The following LIPC variants were observed in gnomAD, a reference collection of about 807,000 sequenced individuals.
LIPC encodes lipase C, hepatic type, also known as hepatic triacylglycerol lipase.
In LIPC, 44 loss-of-function variants were observed where a neutral mutation model predicts 50.7. The ratio of observed to expected loss-of-function variants is 0.87; its 90% CI spans 0.68 to 1.11. The LOEUF is 1.11. LIPC is among the 50% of genes most tolerant of loss of function. The pLI is 0.00. For synonymous variants in LIPC, 271 were observed against 256.4 expected (o/e 1.06, Z -0.54); for missense variants, 697 against 648.2 (o/e 1.08, Z -0.82).
At chr15:58,486,489 T>C (rs1891380625) in intron 1 of LIPC, among the ~76,000 whole-genome samples, 1 of 152,200 alleles carries the variant, frequency 6.6e-6, no homozygotes, top group African/African-American at 2.4e-5. Context: ...CCAAAAGTAG[T>C]TATGACCCTC....
At chr15:58,536,012 G>A (rs1256632187) in intron 1 of LIPC, among the ~76,000 whole-genome samples, 1 of 152,190 alleles carries the variant, frequency 6.6e-6, no homozygotes, top group Non-Finnish European at 1.5e-5. Flanking sequence ...CCACCATTGT[G>A]CCCAGGGCTA....
intron 6 of LIPC, among the ~76,000 whole-genome samples, chr15:58,557,222 T>A (rs1380645459): frequency 6.6e-6 from 1 of 152,154 alleles, no homozygotes; most frequent in Non-Finnish European, 1.5e-5. Context: ...GAAAAGTCAC[T>A]TAACTTCTCT....
chr15:58,466,522 G>T (rs1049439980), intron 1 of LIPC, among the ~76,000 whole-genome samples: 15 of 152,124 alleles, frequency 9.9e-5, no homozygotes. Context: ...TTATTCTAAG[G>T]ATGTATGGTA....
chr15:58,481,487 C>G (rs4775056), intron 1 of LIPC, among the ~76,000 whole-genome samples: 146,261 of 152,280 alleles, frequency 0.96, 70,544 homozygotes, highest in East Asian at 1. Context: ...TATCCATGTA[C>G]AAGAACACTA....
intron 1 of LIPC, among the ~76,000 whole-genome samples, chr15:58,489,327 T>A (rs185484353): frequency 6.7e-6 from 1 of 149,384 alleles, no homozygotes; most frequent in East Asian, 2.0e-4. Flanking sequence ...ACAAAACCAG[T>A]TCACCAAGAC....
At chr15:58,517,127 C>T (rs1347600974) in intron 1 of LIPC, among the ~76,000 whole-genome samples, 1 of 152,260 alleles carries the variant, frequency 6.6e-6, no homozygotes, top group Non-Finnish European at 1.5e-5. Flanking sequence ...CCATGTCCCA[C>T]ACTATTCCTT....
At chr15:58,461,823 T>C (rs372701820) in intron 1 of LIPC, among the ~76,000 whole-genome samples, 3 of 152,212 alleles carry the variant, frequency 2.0e-5, no homozygotes, top group African/African-American at 7.2e-5. Context: ...TGGCCTTGGA[T>C]GCCCTTGTCT....
intron 1 of LIPC, among the ~76,000 whole-genome samples, chr15:58,495,637 G>A (rs1891739188): frequency 1.3e-5 from 2 of 152,224 alleles, no homozygotes. Flanking sequence ...GAGGCTCAGA[G>A]AGAGTAAGTA....
At chr15:58,542,693 A>T (rs1383885963) in intron 4 of LIPC, 42 bp downstream of exon 4, 2 of 1,320,694 alleles carry the variant, frequency 1.5e-6, no homozygotes, top group Admixed American at 1.7e-5. Context: ...TCCACTCCAT[A>T]GGGGCATCCA....
intron 8 of LIPC, chr15:58,564,111 GA>G: frequency 3.5e-6 from 1 of 286,250 alleles, no homozygotes; most frequent in Non-Finnish European, 6.9e-6. Context: ...TTTGCCCAAA[GA>G]AAATCTTTTA....
At chr15:58,501,030 G>A (rs1440172256) in intron 1 of LIPC, among the ~76,000 whole-genome samples, 4 of 151,656 alleles carry the variant, frequency 2.6e-5, no homozygotes, top group Non-Finnish European at 5.9e-5. Context: ...TTTCCTCATG[G>A]GCATCACTGA....
intron 1 of LIPC, among the ~76,000 whole-genome samples, chr15:58,492,821 G>C (rs1228329973): frequency 1.3e-5 from 2 of 152,146 alleles, no homozygotes; most frequent in African/African-American, 4.8e-5. Context: ...CCATAAACAG[G>C]TGCCTGAGTA....
intron 1 of LIPC, among the ~76,000 whole-genome samples, chr15:58,510,161 C>T (rs1273580885): frequency 6.6e-6 from 1 of 152,208 alleles, no homozygotes; most frequent in Non-Finnish European, 1.5e-5. Context: ...ACACAATAGA[C>T]AAGGACACAG....
chr15:58,448,634 A>AT (rs1320050685), intron 1 of LIPC, among the ~76,000 whole-genome samples: 1 of 152,230 alleles, frequency 6.6e-6, no homozygotes, highest in South Asian at 2.1e-4. Context: ...CCTTCACCAT[A>AT]TGCCAGGCCT....
intron 4 of LIPC, among the ~76,000 whole-genome samples, chr15:58,543,858 G>A (rs1893426183): frequency 6.6e-6 from 1 of 152,038 alleles, no homozygotes; most frequent in South Asian, 2.1e-4. Context: ...CCAACCTCAG[G>A]TGATCCACCA....
chr15:58,432,369 C>A (rs1237235865), intron 1 of LIPC: 2 of 539,022 alleles, frequency 3.7e-6, no homozygotes, highest in South Asian at 2.1e-5. Context: ...AAGTCTCTTG[C>A]GTATCTGATA....
intron 1 of LIPC, among the ~76,000 whole-genome samples, chr15:58,500,394 C>T (rs1424814364): frequency 2.0e-5 from 3 of 152,156 alleles, no homozygotes; most frequent in East Asian, 1.9e-4. Flanking sequence ...CGCTTGCTCT[C>T]GTCTGAACGT....
intron 1 of LIPC, chr15:58,435,356 C>T (rs1893258409): frequency 1.3e-5 from 2 of 152,132 alleles, no homozygotes; most frequent in South Asian, 4.2e-4. Context: ...AAAGGGAGGA[C>T]ATCCTAAGGC....
chr15:58,567,269 G>A (rs8039591), intron 8 of LIPC, among the ~76,000 whole-genome samples: 6 of 44,770 alleles, frequency 1.3e-4, no homozygotes, highest in South Asian at 2.1e-3. Context: ...ATGTATATGT[G>A]TGTGTGTGTG....
Sources: gnomAD v4.1 joint callset for allele counts (sites outside exome capture counted in the v4.1 genomes callset) on GRCh38, gnomAD v4.1.1 for gene constraint, MANE v1.5 for transcripts, NCBI Gene and HGNC (gene_info 2026-07-23, HGNC 2026-07-21) for gene names.